RASSF5: variants seen among roughly 807,000 people sequenced by gnomAD.
The protein encoded by RASSF5 is ras association domain-containing protein 5.
Under a neutral mutation model 40.5 loss-of-function variants are expected in RASSF5, and 25 were observed. That is an observed-to-expected ratio of 0.62 (90% CI 0.45 to 0.86). The LOEUF is 0.86. RASSF5 is among the 40% of genes least tolerant of loss of function. The pLI, the probability that RASSF5 is intolerant of heterozygous loss-of-function variation, is 0.00. For synonymous variants in RASSF5, 246 were observed against 252.4 expected, an observed-to-expected ratio of 0.97 and a Z score of 0.24; for missense variants, 521 against 572.8, an observed-to-expected ratio of 0.91 and a Z score of 0.92.
chr1:206,559,812 G>A (rs1668086729), intron 2 of RASSF5, among the ~76,000 whole-genome samples: 1 of 152,194 alleles, frequency 6.6e-6, no homozygotes, highest in African/African-American at 2.4e-5. Flanking sequence ...TCCTCAGCAC[G>A]AGGCTGGCCT....
chr1:206,538,358 C>G, intron 2 of RASSF5, 65 bp downstream of exon 2: 9 of 1,600,168 alleles, frequency 5.6e-6, no homozygotes, highest in Non-Finnish European at 7.7e-6. Context: ...GCTCCACTTT[C>G]TCTCCCAGGA....
rs555830220 is a variant in RASSF5 at position 206,575,004 on chromosome 1, C to T, written c.580-8265C>T. Among the ~76,000 whole-genome samples, 8 of 150,358 alleles carry T rather than the reference C, an allele frequency of 5.3e-5. 1 individual carries two copies. In the South Asian group the frequency reaches 8.6e-4, roughly 16 times the overall value. ...CCTCCCGAGTAGTTGGGATTACAGG[C>T]GCACGGATAATTTTTTTGTTTTTGT... On this transcript the variant is annotated intron_variant, in intron 2 of 5. Transcript: ENST00000579436.
At chr1:206,519,724 G>A (rs189664210) in intron 1 of RASSF5, among the ~76,000 whole-genome samples, 15 of 152,280 alleles carry the variant, frequency 9.9e-5, no homozygotes, top group Non-Finnish European at 1.8e-4. Context: ...GCCATCTCTG[G>A]ACTAAGTTTT....
At chr1:206,582,122 CAGGGACA>C (rs1668912495) in intron 2 of RASSF5, among the ~76,000 whole-genome samples, 1 of 152,162 alleles carries the variant, frequency 6.6e-6, no homozygotes, top group African/African-American at 2.4e-5. Flanking sequence ...CCCAGCCACT[CAGGGACA>C]GTGTGAAGAT....
At chr1:206,553,178 G>T (rs1328482433) in intron 2 of RASSF5, among the ~76,000 whole-genome samples, 1 of 151,966 alleles carries the variant, frequency 6.6e-6, no homozygotes, top group African/African-American at 2.4e-5. Flanking sequence ...CTCCAGCCTG[G>T]GTGACAGAGA....
intron 1 of RASSF5, among the ~76,000 whole-genome samples, chr1:206,512,704 G>A (rs561185678): frequency 7.2e-5 from 11 of 152,260 alleles, no homozygotes; most frequent in Admixed American, 3.3e-4. Flanking sequence ...GCCCTGCCTC[G>A]GTGGGAGAGT....
chr1:206,537,455 C>A, intron 1 of RASSF5, among the ~76,000 whole-genome samples: 1 of 152,182 alleles, frequency 6.6e-6, no homozygotes, highest in East Asian at 1.9e-4. Flanking sequence ...ACTTTTAATT[C>A]TTCAAGATAT....
At chr1:206,556,087 T>A (rs1157678471) in intron 2 of RASSF5, among the ~76,000 whole-genome samples, 2 of 152,148 alleles carry the variant, frequency 1.3e-5, no homozygotes, top group Non-Finnish European at 2.9e-5. Flanking sequence ...TCAGACTCCA[T>A]GAACATGGTA....
intron 1 of RASSF5, among the ~76,000 whole-genome samples, chr1:206,536,299 G>A (rs555330401): frequency 4.6e-5 from 7 of 152,304 alleles, no homozygotes; most frequent in African/African-American, 1.2e-4. Flanking sequence ...GTAGAGAAGC[G>A]TGGGATCTGA....
At chr1:206,534,123 C>T (rs1278925588) in intron 1 of RASSF5, among the ~76,000 whole-genome samples, 1 of 152,220 alleles carries the variant, frequency 6.6e-6, no homozygotes, top group Non-Finnish European at 1.5e-5. Context: ...GTTCATGGTA[C>T]TTGGTTCCAG....
At chr1:206,575,127 C>A (rs1347836023) in intron 2 of RASSF5, among the ~76,000 whole-genome samples, 3 of 151,976 alleles carry the variant, frequency 2.0e-5, no homozygotes, top group Admixed American at 6.6e-5. Flanking sequence ...GGACATTGAG[C>A]AGGGTATTTC....
intron 1 of RASSF5, among the ~76,000 whole-genome samples, chr1:206,534,459 G>T (rs1193127524): frequency 7.2e-5 from 11 of 152,138 alleles, no homozygotes; most frequent in Non-Finnish European, 1.2e-4. Flanking sequence ...TTAATCTGTT[G>T]CTGCCTCTTG....
intron 2 of RASSF5, among the ~76,000 whole-genome samples, chr1:206,569,194 G>A (rs1021385126): frequency 4.3e-4 from 65 of 152,324 alleles, no homozygotes; most frequent in African/African-American, 1.4e-3. Context: ...GTGTATTCGC[G>A]GGAGCCTTCA....
rs1667150873 is a variant in RASSF5 at position 206,528,368 on chromosome 1, GAAACAGTT to G, written c.458-9800_458-9793del. On this transcript the variant is annotated intron_variant, in intron 1 of 5. Coordinates refer to ENST00000579436, the MANE Select transcript of RASSF5 (RefSeq NM_182663.4). ...ATATTCTGGAAAAGATAAATCTATG[GAAACAGTT>G]AAAAGATCAGGGGTTGCCAGGGTTA... Among the ~76,000 whole-genome samples the G allele has an allele frequency of 3.3e-5, 5 of 152,234 alleles. No individual in the cohort carries two copies. The East Asian group carries it at 9.6e-4, about 29-fold the overall frequency.
chr1:206,570,865 G>A (rs1558517153), intron 2 of RASSF5, among the ~76,000 whole-genome samples: 1 of 152,022 alleles, frequency 6.6e-6, no homozygotes, highest in African/African-American at 2.4e-5. Flanking sequence ...TTTGGCTACT[G>A]TGAATCGTGC....
intron 2 of RASSF5, among the ~76,000 whole-genome samples, chr1:206,548,566 G>A (rs563024773): frequency 7.9e-5 from 12 of 152,322 alleles, no homozygotes; most frequent in African/African-American, 2.6e-4. Context: ...TTCAACATGC[G>A]ATTTGGAGGG....
At chr1:206,530,552 C>T in intron 1 of RASSF5, among the ~76,000 whole-genome samples, 1 of 152,310 alleles carries the variant, frequency 6.6e-6, no homozygotes, top group East Asian at 1.9e-4. Flanking sequence ...AAGGTAGTAC[C>T]TTCTCATTCC....
chr1:206,549,448 A>G (rs1667778203), intron 2 of RASSF5, among the ~76,000 whole-genome samples: 1 of 152,058 alleles, frequency 6.6e-6, no homozygotes, highest in South Asian at 2.1e-4. Context: ...CACCAGAATT[A>G]GTGTCTTTGA....
intron 3 of RASSF5, 117 bp downstream of exon 3, chr1:206,583,496 C>G: frequency 1.4e-6 from 1 of 737,396 alleles, no homozygotes; most frequent in South Asian, 1.5e-5. Flanking sequence ...TCCCTTTCCT[C>G]CGGCCTCCAG....
Sources: gnomAD v4.1 joint callset for allele counts (sites outside exome capture counted in the v4.1 genomes callset) on GRCh38, gnomAD v4.1.1 for gene constraint, MANE v1.5 for transcripts, NCBI Gene and HGNC (gene_info 2026-07-23, HGNC 2026-07-21) for gene names.